The following ABCG1 variants were observed in gnomAD, a reference collection of about 807,000 sequenced individuals.
ABCG1 encodes ATP binding cassette subfamily G member 1, also known as ATP-binding cassette sub-family G member 1.
In ABCG1, 29 loss-of-function variants were observed where a neutral mutation model predicts 69.2. The observed-to-expected ratio is 0.42, with a 90% CI of 0.31 to 0.57. The LOEUF (loss-of-function observed/expected upper bound fraction) is 0.57, where lower values mean the gene tolerates loss of function less well. ABCG1 is among the 20% of genes least tolerant of loss of function. The probability of loss-of-function intolerance (pLI) is 0.15; values close to 1 mark genes in which losing one functional copy is unlikely to be tolerated. For synonymous variants in ABCG1, 370 were observed against 374.8 expected (o/e 0.99, Z 0.15); for missense variants, 718 against 898.1 (o/e 0.80, Z 2.56).
Position 42,219,435 on chromosome 21 carries a change from C to A in ABCG1, c.42+131C>A, listed in dbSNP as rs2067685127. The A allele has an allele frequency of 7.6e-7, 1 of 1,317,356 alleles. No homozygotes were observed. Among genetic ancestry groups the A allele is most frequent in the Non-Finnish European group, 1.0e-6 (1 of 992,958 alleles). 81.6% of individuals were successfully genotyped at this position (1,317,356 alleles called of 1,614,324 possible). A position where few individuals can be genotyped will look rare whatever the true frequency, so the allele number is the denominator to read the frequency against. ...GTCCTCTGGGCGCTGACCCAGGGCA[C>A]CCTAGAGTGGCGCCCGGCTCCGATC... is the stretch of plus-strand genomic sequence containing the variant. On this transcript the variant is annotated intron_variant, in intron 1 of 14. Transcript: ENST00000398449. The surrounding 1 kb of genome is among the most constrained non-coding windows in gnomAD (Gnocchi z 5.3).
At chr21:42,253,222 G>T (rs1012919710) in intron 2 of ABCG1, among the ~76,000 whole-genome samples, 1 of 152,112 alleles carries the variant, frequency 6.6e-6, no homozygotes, top group African/African-American at 2.4e-5. Context: ...GCAGAGCTGG[G>T]GTAAAGGGCA....
chr21:42,296,440 G>A lies in ABCG1; in HGVS notation c.*48G>A, dbSNP rs903254047. On this transcript the variant is annotated 3_prime_UTR_variant, in exon 15 of 15. Transcript: ENST00000398449. This position sits in a 1 kb window ranked among gnomAD's most constrained non-coding sequence, Gnocchi z 5.4. ...GGAAGATTAGACACTGTGGCCGAGG[G>A]CACGTCTAGAATCGAGGAGGCAAGC... 6.5e-7 allele frequency: 1 copy of A among 1,543,902 alleles called. No homozygotes were observed. The highest frequency in any genetic ancestry group is 1.4e-5 in the African/African-American group (1 of 73,690).
intron 2 of ABCG1, among the ~76,000 whole-genome samples, chr21:42,226,860 C>A (rs2067825559): frequency 6.6e-6 from 1 of 152,160 alleles, no homozygotes; most frequent in African/African-American, 2.4e-5. Context: ...GACTCAGGTA[C>A]CCCTGGAATA....
At chr21:42,207,288 G>A (rs930036121) in intron 2 of ABCG1, among the ~76,000 whole-genome samples, 4 of 152,004 alleles carry the variant, frequency 2.6e-5, no homozygotes, top group African/African-American at 9.7e-5. Context: ...TTTCTCTGTT[G>A]TTCAGATTTG....
At chr21:42,248,387 AC>A (rs1226554147) in intron 2 of ABCG1, among the ~76,000 whole-genome samples, 3 of 151,998 alleles carry the variant, frequency 2.0e-5, no homozygotes, top group African/African-American at 7.3e-5. Context: ...AAACTAGAGA[AC>A]CCTGGAGCAA....
At chr21:42,222,603 T>A (rs2123508201) in intron 1 of ABCG1, among the ~76,000 whole-genome samples, 1 of 152,146 alleles carries the variant, frequency 6.6e-6, no homozygotes, top group Middle Eastern at 3.4e-3. Flanking sequence ...AATCATGGGG[T>A]CTTAAGCAAT....
Position 42,294,608 on chromosome 21 carries a change from T to G in ABCG1, c.1720T>G (p.Phe574Val), listed in dbSNP as rs754573333. The G allele has an allele frequency of 6.2e-7, 1 of 1,614,196 alleles. No individual in the cohort carries two copies. Residue 574 changes from phenylalanine to valine, a missense_variant, in exon 14 of 15, where the codon TTC becomes GTC. Physicochemically the swap from Phe to Val is conservative, Grantham distance 50. This residue lies in a region of ABCG1 where 204 missense variants were observed against 323.8 expected (regional missense o/e 0.63). Transcript: ENST00000398449. Reference protein sequence around the residue: ...VLLFSGFFVSFDTIPTYLQWM... With the variant: ...VLLFSGFFVSVDTIPTYLQWM... ...CCTGTTCTCGGGGTTCTTCGTCAGCTTCGACACCATCCCCACGTACCTACA... is the reference window on the plus strand; with the variant it reads ...CCTGTTCTCGGGGTTCTTCGTCAGCGTCGACACCATCCCCACGTACCTACA...
intron 2 of ABCG1, among the ~76,000 whole-genome samples, chr21:42,240,416 T>C (rs907121839): frequency 2.6e-5 from 4 of 152,228 alleles, no homozygotes; most frequent in Non-Finnish European, 5.9e-5. Context: ...CATTAAAATG[T>C]TTACTGCCTT....
At chr21:42,254,520 A>G (rs1010231923) in intron 2 of ABCG1, among the ~76,000 whole-genome samples, 1 of 152,168 alleles carries the variant, frequency 6.6e-6, no homozygotes, top group African/African-American at 2.4e-5. Flanking sequence ...ATTAAGCCCA[A>G]CTTCCCAGAC....
chr21:42,233,176 C>T (rs2067925747), intron 2 of ABCG1, among the ~76,000 whole-genome samples: 1 of 152,234 alleles, frequency 6.6e-6, no homozygotes, highest in African/African-American at 2.4e-5. Flanking sequence ...TTTCACTTCC[C>T]ACTTTGTCAG....
intron 13 of ABCG1, among the ~76,000 whole-genome samples, chr21:42,292,112 C>G (rs1423371437): frequency 6.6e-6 from 1 of 152,130 alleles, no homozygotes; most frequent in Non-Finnish European, 1.5e-5. Context: ...CCATCGCCCA[C>G]CCTGCCCCCC....
At chr21:42,260,068 A>T in intron 2 of ABCG1, 1 of 1,550,532 alleles carries the variant, frequency 6.4e-7, no homozygotes, top group Non-Finnish European at 8.7e-7. Context: ...ATCAGTGGCA[A>T]AGTCTTGTCA....
intron 2 of ABCG1, among the ~76,000 whole-genome samples, chr21:42,227,857 C>G (rs528479835): frequency 6.6e-6 from 1 of 151,298 alleles, no homozygotes; most frequent in East Asian, 1.9e-4. Flanking sequence ...AGAGAGAGAG[C>G]ATAAAAGAAC....
chr21:42,288,067 G>T lies in ABCG1; in HGVS notation c.1122+30G>T. On this transcript the variant is annotated intron_variant, in intron 9 of 14. Transcript: ENST00000398449. The surrounding 1 kb of genome is among the most constrained non-coding windows in gnomAD (Gnocchi z 4.8). Reference sequence around the variant, plus strand: ...AGCAGACAAAACGATTAAAGGGGTTGAGAAAGGTAATGCAAATCCCGAAGC... The same window carrying T: ...AGCAGACAAAACGATTAAAGGGGTTTAGAAAGGTAATGCAAATCCCGAAGC... 6.2e-7 allele frequency: 1 copy of T among 1,605,064 alleles called. No homozygotes were observed. Among genetic ancestry groups the T allele is most frequent in the South Asian group, 1.1e-5 (1 of 90,676 alleles).
intron 2 of ABCG1, among the ~76,000 whole-genome samples, chr21:42,204,234 T>C (rs1325183267): frequency 2.0e-5 from 3 of 152,208 alleles, no homozygotes; most frequent in Non-Finnish European, 4.4e-5. Flanking sequence ...GTCTGCCATT[T>C]ATTTCCTTTT....
chr21:42,244,469 T>C, intron 2 of ABCG1, among the ~76,000 whole-genome samples: 1 of 152,326 alleles, frequency 6.6e-6, no homozygotes, highest in East Asian at 1.9e-4. Flanking sequence ...TGCCAATAAA[T>C]TGATAAAGCT....
chr21:42,237,763 A>G (rs1337332337), intron 2 of ABCG1, among the ~76,000 whole-genome samples: 5 of 152,206 alleles, frequency 3.3e-5, no homozygotes, highest in African/African-American at 1.2e-4. Flanking sequence ...TGTCAAACCC[A>G]TGAGCCACCT....
intron 2 of ABCG1, among the ~76,000 whole-genome samples, chr21:42,237,008 G>A (rs2067987223): frequency 6.6e-6 from 1 of 152,186 alleles, no homozygotes; most frequent in African/African-American, 2.4e-5. Context: ...GTCCTGAATG[G>A]TGTGAGCAGG....
Position 42,219,991 on chromosome 21 carries a change from G to A in ABCG1, c.42+687G>A. ...ACAGGGATGCGCATTTCACTTCCCC[G>A]AGCTCCGGAGAGGGATGGCGGGGTG... On this transcript the variant is annotated intron_variant, in intron 1 of 14. Coordinates refer to ENST00000398449, the MANE Select transcript of ABCG1 (RefSeq NM_016818.3). The surrounding 1 kb of genome is among the most constrained non-coding windows in gnomAD (Gnocchi z 5.3). The A allele has an allele frequency of 1.3e-6, 2 of 1,553,242 alleles. No individual in the cohort carries two copies. The highest frequency in any genetic ancestry group is 1.7e-6 in the Non-Finnish European group (2 of 1,147,744).
Sources: gnomAD v4.1 joint callset for allele counts (sites outside exome capture counted in the v4.1 genomes callset) on GRCh38, gnomAD v4.1.1 for gene constraint, gnomAD v4.1.1 regional missense constraint, Gnocchi (gnomAD v3.1) non-coding constraint, MANE v1.5 for transcripts, NCBI Gene and HGNC (gene_info 2026-07-23, HGNC 2026-07-21) for gene names.